Variants in AGMO observed in about 807,000 individuals in gnomAD.
The protein encoded by AGMO is glyceryl-ether monooxygenase.
AGMO carries 75 observed loss-of-function variants against 60.2 expected under a neutral mutation model. The ratio of observed to expected loss-of-function variants is 1.25; its 90% CI spans 1.03 to 1.51. AGMO has a LOEUF of 1.51. Among genes scored for constraint, AGMO ranks in the 40% most tolerant of loss-of-function variants. The pLI, the probability that AGMO is intolerant of heterozygous loss-of-function variation, is 0.00. For synonymous variants in AGMO, 261 were observed against 177.1 expected, an observed-to-expected ratio of 1.47 and a Z score of -3.76; for missense variants, 763 against 525.5, an observed-to-expected ratio of 1.45 and a Z score of -4.42.
At chr7:15,247,540 T>C (rs1418771568) in intron 12 of AGMO, among the ~76,000 whole-genome samples, 2 of 151,256 alleles carry the variant, frequency 1.3e-5, no homozygotes, top group African/African-American at 4.9e-5. Context: ...CACTGCTCCA[T>C]TAGCATTCAC....
In AGMO at chr7:15,435,027, G is replaced by T. The variant is rs188791427; in HGVS notation, c.410-3919C>A. The stretch of plus-strand genomic sequence containing the variant: ...AATGCATTGAAGATCCCTTCATTTT[G>T]CTGTTTTTATGAGTAGTTTTTTCCT... On this transcript the variant is annotated intron_variant, in intron 3 of 12. Transcript: ENST00000342526. 5.3e-5 allele frequency among the ~76,000 whole-genome samples: 8 copies of T among 151,850 alleles called. No individual in the cohort carries two copies. In the South Asian group the frequency reaches 1.2e-3, roughly 24 times the overall value.
At chr7:15,554,252 C>T (rs1328346742) in intron 2 of AGMO, among the ~76,000 whole-genome samples, 2 of 151,960 alleles carry the variant, frequency 1.3e-5, no homozygotes, top group Non-Finnish European at 2.9e-5. Context: ...GACTCTGCAC[C>T]CTGGAATTTA....
chr7:15,172,812 T>G, the AGMO span, among the ~76,000 whole-genome samples: 1 of 152,072 alleles, frequency 6.6e-6, no homozygotes, highest in African/African-American at 2.4e-5. Flanking sequence ...GAGACTTGTG[T>G]GGGGAGAGCT....
intron 4 of AGMO, among the ~76,000 whole-genome samples, chr7:15,426,071 T>C (rs1013374903): frequency 2.0e-5 from 3 of 152,200 alleles, no homozygotes; most frequent in Non-Finnish European, 4.4e-5. Flanking sequence ...GTAAACAAAT[T>C]ATATATCCTA....
chr7:15,392,067 TTTTAA>T (rs1321820323), intron 6 of AGMO, among the ~76,000 whole-genome samples: 15 of 151,994 alleles, frequency 9.9e-5, no homozygotes, highest in Admixed American at 2.6e-4. Flanking sequence ...ATTTTTTATT[TTTTAA>T]TTTAATTTTT....
intron 12 of AGMO, among the ~76,000 whole-genome samples, chr7:15,339,950 T>C (rs77552888): frequency 0.11 from 16,730 of 152,220 alleles, 1,030 homozygotes; most frequent in Admixed American, 0.19. Flanking sequence ...CCATAAGTTA[T>C]TGGATATCAA....
the AGMO span, among the ~76,000 whole-genome samples, chr7:15,157,295 A>G: frequency 6.6e-6 from 1 of 152,136 alleles, no homozygotes; most frequent in Non-Finnish European, 1.5e-5. Context: ...AGATCACACA[A>G]CTAGTAAGAA....
At chr7:15,362,401 G>A (rs577703602) in intron 12 of AGMO, among the ~76,000 whole-genome samples, 1 of 152,248 alleles carries the variant, frequency 6.6e-6, no homozygotes, top group South Asian at 2.1e-4. Flanking sequence ...GAGAAGACTT[G>A]CTCAAGTTTA....
At chr7:15,249,793 A>G (rs950932016) in intron 12 of AGMO, among the ~76,000 whole-genome samples, 5 of 152,168 alleles carry the variant, frequency 3.3e-5, no homozygotes, top group Admixed American at 2.6e-4. Flanking sequence ...GTAGGAAACT[A>G]TCTTCTCTCA....
chr7:15,525,733 G>C (rs527910434), intron 3 of AGMO, among the ~76,000 whole-genome samples: 40 of 152,118 alleles, frequency 2.6e-4, no homozygotes, highest in Non-Finnish European at 5.1e-4. Flanking sequence ...ATGAGAAGCA[G>C]AGGCGTAGCT....
rs146144087 is a variant in AGMO at position 15,499,932 on chromosome 7, C to CACACACACATAT, written c.409+44839_409+44840insATATGTGTGTGT. Among the ~76,000 whole-genome samples the CACACACACATAT allele has an allele frequency of 1.8e-3, 248 of 138,996 alleles. 5 individuals are homozygous for CACACACACATAT. The East Asian group carries it at 0.033, about 19-fold the overall frequency. The allele number at this position is 138,996 out of a possible 152,430, so 91.2% of individuals were successfully genotyped here. A position where few individuals can be genotyped will look rare whatever the true frequency, so the allele number is the denominator to read the frequency against. On this transcript the variant is annotated intron_variant, in intron 3 of 12. Coordinates refer to ENST00000342526, the MANE Select transcript of AGMO (RefSeq NM_001004320.2). The stretch of plus-strand genomic sequence containing the variant: ...GCACACACACACACACACACACACA[C>CACACACACATAT]ATATATATATATAATATATATATTT...
intron 12 of AGMO, among the ~76,000 whole-genome samples, chr7:15,234,696 A>C (rs1782366925): frequency 6.6e-6 from 1 of 152,242 alleles, no homozygotes; most frequent in Non-Finnish European, 1.5e-5. Flanking sequence ...ATGCCATGAT[A>C]GTGCAAAAGT....
intron 3 of AGMO, among the ~76,000 whole-genome samples, chr7:15,438,660 T>C (rs1781464455): frequency 6.6e-6 from 1 of 152,116 alleles, no homozygotes; most frequent in Non-Finnish European, 1.5e-5. Context: ...GCAATCAACA[T>C]GACGAATATT....
intron 12 of AGMO, among the ~76,000 whole-genome samples, chr7:15,337,123 T>C (rs990270213): frequency 6.6e-6 from 1 of 152,142 alleles, no homozygotes; most frequent in African/African-American, 2.4e-5. Context: ...ATCCGTGGGA[T>C]AAGGAGCAAG....
At chr7:15,141,571 G>T in the AGMO span, among the ~76,000 whole-genome samples, 10 of 152,086 alleles carry the variant, frequency 6.6e-5, no homozygotes, top group South Asian at 2.1e-4. Context: ...GGGTGACAGA[G>T]CTAGAATCCG....
At chr7:15,304,454 A>G (rs1416678121) in intron 12 of AGMO, among the ~76,000 whole-genome samples, 1 of 152,080 alleles carries the variant, frequency 6.6e-6, no homozygotes, top group African/African-American at 2.4e-5. Context: ...AAGAAAACTG[A>G]AAATTTTTGA....
chr7:15,342,172 T>TAAAAAAAAAAAAAAAAAAAAAAAAAAAAA (rs775057626), intron 12 of AGMO, among the ~76,000 whole-genome samples: 1 of 54,304 alleles, frequency 1.8e-5, no homozygotes, highest in East Asian at 3.7e-4. Flanking sequence ...CCCACAGAGT[T>TAAAAAAAAAAAAAAAAAAAAAAAAAAAAA]AAAAAAAAAA....
chr7:15,192,002 CACACAG>C, the AGMO span, among the ~76,000 whole-genome samples: 27 of 127,756 alleles, frequency 2.1e-4, 1 homozygote, highest in African/African-American at 5.1e-4. Context: ...CACACACACA[CACACAG>C]AGAACTATTC....
At chr7:15,282,512 A>G (rs1783996203) in intron 12 of AGMO, among the ~76,000 whole-genome samples, 1 of 152,172 alleles carries the variant, frequency 6.6e-6, no homozygotes, top group Admixed American at 6.5e-5. Context: ...AAGTCAACTC[A>G]ATCAGAAAAA....
Sources: allele counts gnomAD v4.1 joint callset (sites outside exome capture counted in the v4.1 genomes callset), GRCh38; gene constraint gnomAD v4.1.1; transcripts MANE v1.5; gene names NCBI Gene and HGNC (gene_info 2026-07-23, HGNC 2026-07-21).